GALNT13: variants seen among roughly 807,000 people sequenced by gnomAD.
GALNT13 encodes the protein UDP-GalNAc:polypeptide N-acetylgalactosaminyltransferase 13.
GALNT13 carries 28 observed loss-of-function variants against 64.2 expected under a neutral mutation model. The observed-to-expected ratio is 0.44, with a 90% CI of 0.32 to 0.60. The LOEUF (loss-of-function observed/expected upper bound fraction) is 0.60. Among genes scored for constraint, GALNT13 ranks in the 20% least tolerant of loss-of-function variants. GALNT13 has a pLI of 0.05. For synonymous variants in GALNT13, 214 were observed against 224.6 expected (o/e 0.95, Z 0.42); for missense variants, 577 against 669.8 (o/e 0.86, Z 1.53).
At chr2:154,418,112 C>T (rs1010069189) in intron 11 of GALNT13, among the ~76,000 whole-genome samples, 12 of 152,118 alleles carry the variant, frequency 7.9e-5, no homozygotes, top group East Asian at 5.8e-4. Flanking sequence ...CAGGAATAAA[C>T]GCTTATTAAA....
chr2:153,791,400 C>T, the GALNT13 span, among the ~76,000 whole-genome samples: 1 of 151,900 alleles, frequency 6.6e-6, no homozygotes, highest in African/African-American at 2.4e-5. Context: ...AGTTTTGCAC[C>T]AACCTAATAT....
chr2:153,710,560 A>G, the GALNT13 span, among the ~76,000 whole-genome samples: 3 of 152,230 alleles, frequency 2.0e-5, no homozygotes, highest in African/African-American at 4.8e-5. Context: ...TATAATTACC[A>G]TCCAAACTGT....
chr2:153,957,912 A>T (rs1692686087), intron 3 of GALNT13, among the ~76,000 whole-genome samples: 1 of 152,198 alleles, frequency 6.6e-6, no homozygotes, highest in Non-Finnish European at 1.5e-5. Context: ...AACATGGTCA[A>T]CTTAACAAAC....
At chr2:154,116,577 C>T (rs185872300) in intron 3 of GALNT13, among the ~76,000 whole-genome samples, 116 of 152,278 alleles carry the variant, frequency 7.6e-4, no homozygotes, top group Non-Finnish European at 1.5e-3. Context: ...TTTTTTGGTT[C>T]TCTACATACA....
chr2:154,405,181 AGAAAAACT>A (rs1699472179), intron 10 of GALNT13, among the ~76,000 whole-genome samples: 1 of 152,148 alleles, frequency 6.6e-6, no homozygotes, highest in South Asian at 2.1e-4. Context: ...ACATAAATTT[AGAAAAACT>A]GAAATGTGCA....
the GALNT13 span, among the ~76,000 whole-genome samples, chr2:153,757,099 A>T: frequency 6.6e-6 from 1 of 152,188 alleles, no homozygotes. Context: ...TGAGCTAATT[A>T]ACATAACCAT....
chr2:153,327,754 G>A, the GALNT13 span, among the ~76,000 whole-genome samples: 1 of 151,754 alleles, frequency 6.6e-6, no homozygotes, highest in African/African-American at 2.4e-5. Flanking sequence ...CCTTTAGCTC[G>A]GAGGAGTTTG....
At chr2:154,432,252 A>G (rs1700744391) in intron 11 of GALNT13, among the ~76,000 whole-genome samples, 1 of 152,212 alleles carries the variant, frequency 6.6e-6, no homozygotes, top group Admixed American at 6.5e-5. Flanking sequence ...ATACTATTGG[A>G]AAGTATAACT....
At chr2:153,148,742 G>A in the GALNT13 span, among the ~76,000 whole-genome samples, 1 of 151,802 alleles carries the variant, frequency 6.6e-6, no homozygotes, top group Non-Finnish European at 1.5e-5. Context: ...AAAGGAAAAA[G>A]TATTTGATCA....
the GALNT13 span, among the ~76,000 whole-genome samples, chr2:153,515,647 C>T: frequency 3.9e-5 from 6 of 152,072 alleles, 1 homozygote; most frequent in Non-Finnish European, 8.8e-5. Flanking sequence ...AATAGCTAGA[C>T]GATTAAGTAT....
the GALNT13 span, among the ~76,000 whole-genome samples, chr2:153,734,164 G>A: frequency 1.3e-5 from 2 of 152,262 alleles, no homozygotes; most frequent in African/African-American, 4.8e-5. Context: ...ACTCAAAGGT[G>A]CTTGTTTTTC....
At chr2:154,319,555 C>G (rs1694510637) in intron 9 of GALNT13, among the ~76,000 whole-genome samples, 1 of 151,746 alleles carries the variant, frequency 6.6e-6, no homozygotes, top group Non-Finnish European at 1.5e-5. Flanking sequence ...ATCCCAGCTA[C>G]TTGGGAAGCT....
chr2:153,937,551 A>G (rs1691028912), intron 2 of GALNT13, among the ~76,000 whole-genome samples: 2 of 152,146 alleles, frequency 1.3e-5, no homozygotes, highest in African/African-American at 2.4e-5. Flanking sequence ...CCTAAAATTG[A>G]TTGTGGTGAT....
chr2:153,916,820 G>A (rs1689381523), intron 2 of GALNT13, among the ~76,000 whole-genome samples: 1 of 152,134 alleles, frequency 6.6e-6, no homozygotes, highest in African/African-American at 2.4e-5. Context: ...CTCTTGAGTA[G>A]AGCTTTACCT....
intron 12 of GALNT13, among the ~76,000 whole-genome samples, chr2:154,449,245 C>G (rs1701747336): frequency 1.3e-5 from 2 of 151,730 alleles, no homozygotes; most frequent in African/African-American, 2.4e-5. Context: ...CTTGCTGCCT[C>G]TTAGGCCTCT....
At chr2:154,204,821 A>G (rs930603372) in intron 4 of GALNT13, among the ~76,000 whole-genome samples, 2 of 152,164 alleles carry the variant, frequency 1.3e-5, no homozygotes, top group African/African-American at 4.8e-5. Flanking sequence ...CAGTACTAGT[A>G]TATTATTCCT....
At chr2:153,880,486 A>C (rs960851012) in intron 1 of GALNT13, among the ~76,000 whole-genome samples, 1 of 152,172 alleles carries the variant, frequency 6.6e-6, no homozygotes, top group African/African-American at 2.4e-5. Flanking sequence ...AGAGTTAAAA[A>C]TCGGCATTTA....
chr2:153,260,870 G>T, the GALNT13 span, among the ~76,000 whole-genome samples: 2 of 152,030 alleles, frequency 1.3e-5, no homozygotes, highest in South Asian at 4.1e-4. Flanking sequence ...TCTTGTAGGT[G>T]AGCTTCATTC....
chr2:153,095,875 G>T, the GALNT13 span, among the ~76,000 whole-genome samples: 2 of 151,952 alleles, frequency 1.3e-5, no homozygotes, highest in East Asian at 3.9e-4. Flanking sequence ...ATCACACACC[G>T]GGGCCTGTCA....
Sources: gnomAD v4.1 joint callset for allele counts (sites outside exome capture counted in the v4.1 genomes callset) on GRCh38, gnomAD v4.1.1 for gene constraint, MANE v1.5 for transcripts, NCBI Gene and HGNC (gene_info 2026-07-23, HGNC 2026-07-21) for gene names.